MYCBP2: variants seen among roughly 807,000 people sequenced by gnomAD.
MYCBP2 encodes the protein E3 ubiquitin-protein ligase MYCBP2.
In MYCBP2, 120 loss-of-function variants were observed where a neutral mutation model predicts 525.3. The observed-to-expected ratio is 0.23, with a 90% CI of 0.20 to 0.27. The LOEUF is 0.27. MYCBP2 is among the 10% of genes least tolerant of loss of function. MYCBP2 has a pLI of 1.00. For synonymous variants in MYCBP2, 1,894 were observed against 1,955.8 expected, an observed-to-expected ratio of 0.97 and a Z score of 0.83; for missense variants, 4,149 against 5,657.1, an observed-to-expected ratio of 0.73 and a Z score of 8.55.
intron 55 of MYCBP2, among the ~76,000 whole-genome samples, chr13:77,114,350 C>T (rs1294781219): frequency 6.6e-6 from 1 of 152,008 alleles, no homozygotes; most frequent in African/African-American, 2.4e-5. Flanking sequence ...GCAATAATAA[C>T]ATCAAAAGAT....
chr13:77,177,200 C>CT (rs1014670517), intron 35 of MYCBP2, among the ~76,000 whole-genome samples: 2 of 150,874 alleles, frequency 1.3e-5, no homozygotes, highest in African/African-American at 4.9e-5. Flanking sequence ...TAGCTAAACA[C>CT]TTTTAGTCTT....
intron 62 of MYCBP2, among the ~76,000 whole-genome samples, chr13:77,083,879 T>C (rs2043758268): frequency 6.6e-6 from 1 of 152,158 alleles, no homozygotes; most frequent in African/African-American, 2.4e-5. Flanking sequence ...CACTGGCAAT[T>C]TCTATTACCA....
intron 17 of MYCBP2, among the ~76,000 whole-genome samples, chr13:77,237,044 C>A (rs1331021990): frequency 6.6e-6 from 1 of 152,302 alleles, no homozygotes; most frequent in African/African-American, 2.4e-5. Context: ...CTGCCCCACA[C>A]ATTCTATTTT....
rs749035710 is a variant in MYCBP2 at position 77,081,815 on chromosome 13, G to C, written c.11193+22C>G. 1 of 1,603,394 alleles carries C rather than the reference G, an allele frequency of 6.2e-7. No homozygotes were observed. Among genetic ancestry groups the C allele is most frequent in the Non-Finnish European group, 8.5e-7 (1 of 1,175,032 alleles). ...TATTATTAACTAACAGGACAACCAG[G>C]ATAATAACTGAAATGACTGACCTGA... On this transcript the variant is annotated intron_variant, in intron 64 of 82. Coordinates refer to ENST00000544440, the MANE Select transcript of MYCBP2 (RefSeq NM_015057.5). This position sits in a 1 kb window ranked among gnomAD's most constrained non-coding sequence, Gnocchi z 4.6.
chr13:77,224,638 C>A, intron 19 of MYCBP2, 106 bp from the exon 20 acceptor site: 1 of 606,518 alleles, frequency 1.6e-6, no homozygotes, highest in South Asian at 3.2e-5. Context: ...ATTTATAGAA[C>A]CATTAAAAAT....
chr13:77,247,719 C>T (rs982999779), intron 15 of MYCBP2, among the ~76,000 whole-genome samples: 8 of 152,102 alleles, frequency 5.3e-5, no homozygotes, highest in African/African-American at 1.7e-4. Flanking sequence ...GACAGTCATA[C>T]AGACCAATGG....
intron 63 of MYCBP2, among the ~76,000 whole-genome samples, chr13:77,082,398 G>A (rs2043455831): frequency 1.3e-5 from 2 of 152,222 alleles, no homozygotes; most frequent in South Asian, 2.1e-4. Flanking sequence ...CTTGTGAGGA[G>A]GACAAAGAGA....
At chr13:77,219,734 A>T (rs566699126) in intron 20 of MYCBP2, among the ~76,000 whole-genome samples, 1 of 152,230 alleles carries the variant, frequency 6.6e-6, no homozygotes, top group South Asian at 2.1e-4. Flanking sequence ...CCTATGCTAA[A>T]AGGAGGAAAC....
At position 77,261,220 on chromosome 13, in the gene MYCBP2, C is replaced by T. The variant is rs1237158551; in HGVS notation, c.1803G>A (p.Gly601=). 1 of 1,613,470 alleles carries T rather than the reference C, an allele frequency of 6.2e-7. No homozygotes were observed. The highest frequency in any genetic ancestry group is 1.7e-4 in the Middle Eastern group (1 of 6,058). ...GSHALLVAED[G]SIFFTGSASK... Reference sequence around the variant, plus strand: ...TAGCAGATCCTGTAAAGAATATGCTCCCATCTTCTGCAACTAAAAGGGCGT... The same window carrying T: ...TAGCAGATCCTGTAAAGAATATGCTTCCATCTTCTGCAACTAAAAGGGCGT... Residue 601 remains glycine (G), a synonymous_variant, in exon 12 of 83, where the codon GGG becomes GGA. Transcript: ENST00000544440.
Position 77,307,181 on chromosome 13 carries a change from T to C in MYCBP2, c.303-10507A>G, listed in dbSNP as rs116235181. Among the ~76,000 whole-genome samples, 254 of 152,188 alleles carry C rather than the reference T, an allele frequency of 1.7e-3. 1 individual carries two copies. Among genetic ancestry groups the C allele is most frequent in the African/African-American group, 5.6e-3 (231 of 41,532 alleles). On this transcript the variant is annotated intron_variant, in intron 1 of 82. Coordinates refer to ENST00000544440, the MANE Select transcript of MYCBP2 (RefSeq NM_015057.5). Reference sequence around the variant, plus strand: ...AATCTGAAACTTCCTCCTTCCCCCATCCCAAAAGAGACAGCTCTTACTCTA... The same window carrying C: ...AATCTGAAACTTCCTCCTTCCCCCACCCCAAAAGAGACAGCTCTTACTCTA...
chr13:77,255,984 A>G (rs2072113669), intron 14 of MYCBP2, among the ~76,000 whole-genome samples: 1 of 152,082 alleles, frequency 6.6e-6, no homozygotes, highest in South Asian at 2.1e-4. Context: ...AGATATAAAA[A>G]TTGAGGGCAA....
At chr13:77,099,609 C>T (rs986506120) in intron 55 of MYCBP2, 2 of 153,048 alleles carry the variant, frequency 1.3e-5, no homozygotes, top group African/African-American at 4.8e-5. Flanking sequence ...CACATGAATG[C>T]CCTGAAGCTG....
chr13:77,065,132 A>G (rs2039993690), intron 72 of MYCBP2, among the ~76,000 whole-genome samples: 1 of 152,148 alleles, frequency 6.6e-6, no homozygotes, highest in South Asian at 2.1e-4. Flanking sequence ...CTAAAATATA[A>G]ACAGGTTCAA....
intron 32 of MYCBP2, 40 bp downstream of exon 32, chr13:77,185,063 A>G: frequency 6.4e-7 from 1 of 1,571,100 alleles, no homozygotes; most frequent in Non-Finnish European, 8.7e-7. Context: ...ATTAAGCAAT[A>G]TATCAGATTT....
Position 77,150,960 on chromosome 13 carries a change from T to C in MYCBP2, c.6916-11A>G, listed in dbSNP as rs1203539269. ...AGCTTTCACTTCCACCTAAACATGG[T>C]ATTATAGAAACCAAATACCATTATT... is the stretch of plus-strand genomic sequence containing the variant. On this transcript the variant is annotated splice_polypyrimidine_tract_variant and intron_variant, in intron 46 of 82. Transcript: ENST00000544440. 2 of 1,607,106 alleles carry C rather than the reference T, an allele frequency of 1.2e-6. No homozygotes were observed. The highest frequency in any genetic ancestry group is 2.2e-5 in the East Asian group (1 of 44,786).
chr13:77,048,917 CAT>C (rs746019680), intron 82 of MYCBP2, among the ~76,000 whole-genome samples: 4 of 152,266 alleles, frequency 2.6e-5, no homozygotes, highest in South Asian at 2.1e-4. Context: ...TGTTTTTTAA[CAT>C]AGAGGAAACT....
chr13:77,066,507 T>A (rs995263023), intron 71 of MYCBP2, among the ~76,000 whole-genome samples: 1 of 152,256 alleles, frequency 6.6e-6, no homozygotes, highest in Non-Finnish European at 1.5e-5. Flanking sequence ...TCTGATGTTA[T>A]CTGCATATTG....
Position 77,205,409 on chromosome 13 carries a change from G to A in MYCBP2, c.3716-26C>T, listed in dbSNP as rs113967371. On this transcript the variant is annotated intron_variant, in intron 25 of 82. Coordinates refer to ENST00000544440, the MANE Select transcript of MYCBP2 (RefSeq NM_015057.5). ...CTAGAATATATAAATCATAATCTAT[G>A]TTTTAAAAGATCCATATATATTTCA... is the stretch of plus-strand genomic sequence containing the variant. 9.8e-4 allele frequency: 1,586 copies of A among 1,611,744 alleles called. 10 individuals carry two copies. The African/African-American group carries it at 0.018, about 18-fold the overall frequency.
chr13:77,081,460 C>T lies in MYCBP2; in HGVS notation c.11385G>A (p.Val3795=). 1 of 1,612,470 alleles carries T rather than the reference C, an allele frequency of 6.2e-7. No individual in the cohort carries two copies. The highest frequency in any genetic ancestry group is 8.5e-7 in the Non-Finnish European group (1 of 1,179,760). The change falls in exon 65 of 83, where the codon GTG becomes GTA. Residue 3795 remains valine, a synonymous_variant. Transcript: ENST00000544440. The surrounding 1 kb of genome is among the most constrained non-coding windows in gnomAD (Gnocchi z 4.6). ...CTCGGGAATTGTCCACGTGAACAGA[C>T]ACATAGCGGGCATTGATTCCTTTTA... ...NCVKGINARY[V]SVHVDNSRDL...
Sources: gnomAD v4.1 joint callset for allele counts (sites outside exome capture counted in the v4.1 genomes callset) on GRCh38, gnomAD v4.1.1 for gene constraint, Gnocchi (gnomAD v3.1) non-coding constraint, MANE v1.5 for transcripts, NCBI Gene and HGNC (gene_info 2026-07-23, HGNC 2026-07-21) for gene names.